Variants in GLIS3 observed in about 807,000 individuals in gnomAD.
GLIS3 encodes the protein zinc finger protein GLIS3.
A neutral mutation model predicts 78.6 loss-of-function variants in GLIS3; 53 were observed. The ratio of observed to expected loss-of-function variants is 0.67; its 90% CI spans 0.54 to 0.85. The LOEUF (loss-of-function observed/expected upper bound fraction) is 0.85. Ranked by LOEUF, GLIS3 falls within the 40% of genes least tolerant of loss-of-function variation. The pLI is 0.00. For missense variants in GLIS3, 1,703 were observed against 1,231.1 expected (o/e 1.38, Z -5.74); for synonymous variants, 684 against 509.9 (o/e 1.34, Z -4.60).
At chr9:4,426,822 G>A in the GLIS3 span, among the ~76,000 whole-genome samples, 1 of 152,210 alleles carries the variant, frequency 6.6e-6, no homozygotes, top group East Asian at 1.9e-4. Flanking sequence ...ACTTCACAGA[G>A]TTGTGTAAGG....
intron 4 of GLIS3, among the ~76,000 whole-genome samples, chr9:4,020,508 A>G (rs1822798710): frequency 6.6e-6 from 1 of 152,138 alleles, no homozygotes; most frequent in African/African-American, 2.4e-5. Context: ...TTTGCTTAGT[A>G]TAAGAGCATG....
At chr9:3,882,507 C>A (rs1821799799) in intron 7 of GLIS3, among the ~76,000 whole-genome samples, 1 of 151,626 alleles carries the variant, frequency 6.6e-6, no homozygotes, top group South Asian at 2.1e-4. Flanking sequence ...GCAAAGGCCA[C>A]TAGAAACAGG....
At chr9:3,885,237 A>G (rs1353532334) in intron 7 of GLIS3, among the ~76,000 whole-genome samples, 1 of 152,208 alleles carries the variant, frequency 6.6e-6, no homozygotes, top group Admixed American at 6.5e-5. Context: ...AGGAAGGGTT[A>G]TTCGTGAGCA....
the GLIS3 span, among the ~76,000 whole-genome samples, chr9:4,388,073 C>T: frequency 6.6e-6 from 1 of 152,144 alleles, no homozygotes; most frequent in South Asian, 2.1e-4. Flanking sequence ...ACACATGTAC[C>T]ATTAAAGTTT....
intron 2 of GLIS3, among the ~76,000 whole-genome samples, chr9:4,344,385 G>C (rs1033115597): frequency 6.6e-6 from 1 of 152,126 alleles, no homozygotes; most frequent in African/African-American, 2.4e-5. Context: ...AGCAGCATTT[G>C]GCAAAGTTGT....
intron 7 of GLIS3, among the ~76,000 whole-genome samples, chr9:3,885,839 C>T (rs1338117530): frequency 3.3e-5 from 5 of 152,170 alleles, no homozygotes; most frequent in Admixed American, 3.3e-4. Flanking sequence ...TGGTTATTAA[C>T]AGAACAAAGC....
the GLIS3 span, among the ~76,000 whole-genome samples, chr9:4,451,997 G>A: frequency 6.6e-6 from 1 of 151,934 alleles, no homozygotes; most frequent in African/African-American, 2.4e-5. Context: ...CTTCATCCCT[G>A]CGATGCAAGT....
rs146346906 is a variant in GLIS3, at chr9:3,901,177, C to T, written c.1984-2342G>A. 1,339 of 157,852 alleles carry T rather than the reference C, an allele frequency of 8.5e-3. 9 individuals carry two copies. The highest frequency in any genetic ancestry group is 0.012 in the Non-Finnish European group (828 of 71,588). The allele number at this position is 157,852 out of a possible 1,614,324, so 9.8% of individuals were successfully genotyped here. A position where few individuals can be genotyped will look rare whatever the true frequency, so the allele number is the denominator to read the frequency against. On this transcript the variant is annotated intron_variant, in intron 6 of 10. Coordinates refer to ENST00000381971, the MANE Select transcript of GLIS3 (RefSeq NM_001042413.2). ...CCTATAAAACCAGTTCCACTCCCACCGCCCTTCGCTGACTCCCTTTTCAGA... is the reference window on the plus strand; with the variant it reads ...CCTATAAAACCAGTTCCACTCCCACTGCCCTTCGCTGACTCCCTTTTCAGA...
the GLIS3 span, among the ~76,000 whole-genome samples, chr9:4,400,552 A>G: frequency 3.9e-5 from 6 of 152,250 alleles, no homozygotes; most frequent in African/African-American, 1.4e-4. Context: ...CAAAAGTTGT[A>G]AAAGACTAAA....
chr9:3,965,193 C>CTTTTTTTTTTTTT (rs34951383), intron 4 of GLIS3, among the ~76,000 whole-genome samples: 22 of 100,156 alleles, frequency 2.2e-4, no homozygotes, highest in Admixed American at 2.6e-4. Context: ...CTTTTCTTTT[C>CTTTTTTTTTTTTT]TTTTTTTTTT....
At position 4,136,221 on chromosome 9, in the gene GLIS3, T is replaced by C. The variant is rs77130627; in HGVS notation, c.389-10280A>G. On this transcript the variant is annotated intron_variant, in intron 2 of 10. Coordinates refer to ENST00000381971, the MANE Select transcript of GLIS3 (RefSeq NM_001042413.2). ...ATAAGATATACTCACCTAGGAACAA[T>C]CGGATAATGTCGCTAGACTGTACAG... 1.5e-3 allele frequency among the ~76,000 whole-genome samples: 231 copies of C among 152,222 alleles called. 6 individuals are homozygous for C. The East Asian group carries it at 0.042, about 28-fold the overall frequency.
chr9:4,023,421 CA>C, intron 4 of GLIS3, among the ~76,000 whole-genome samples: 1 of 152,114 alleles, frequency 6.6e-6, no homozygotes, highest in Admixed American at 6.5e-5. Flanking sequence ...CTAGCTTGGC[CA>C]TCAGACCCCA....
intron 4 of GLIS3, among the ~76,000 whole-genome samples, chr9:4,084,278 CACACACACACACACACA>C (rs1828819173): frequency 7.2e-6 from 1 of 137,960 alleles, no homozygotes; most frequent in Admixed American, 7.5e-5. Context: ...CACACACACA[CACACACACACACACACA>C]AATTCCTAGC....
the GLIS3 span, among the ~76,000 whole-genome samples, chr9:4,462,136 AG>A: frequency 6.6e-6 from 1 of 152,190 alleles, no homozygotes; most frequent in African/African-American, 2.4e-5. Context: ...CGTCTACTCT[AG>A]GTCTATAAAA....
At chr9:4,273,108 C>T (rs895546427) in intron 2 of GLIS3, among the ~76,000 whole-genome samples, 1 of 152,106 alleles carries the variant, frequency 6.6e-6, no homozygotes, top group African/African-American at 2.4e-5. Context: ...TTTCATACTG[C>T]CTAGACTGGA....
intron 6 of GLIS3, among the ~76,000 whole-genome samples, chr9:3,922,610 G>A (rs916176890): frequency 6.6e-6 from 1 of 151,996 alleles, no homozygotes; most frequent in Non-Finnish European, 1.5e-5. Context: ...TAATTGCTGG[G>A]GGTAAGGTGG....
the GLIS3 span, among the ~76,000 whole-genome samples, chr9:4,400,941 G>T: frequency 6.6e-6 from 1 of 152,126 alleles, no homozygotes; most frequent in South Asian, 2.1e-4. Context: ...CGTAGGCCTC[G>T]GGCTCTGAGA....
rs576975519 is a variant in GLIS3 at position 3,982,750 on chromosome 9, T to C, written c.1711-45561A>G. On this transcript the variant is annotated intron_variant, in intron 4 of 10. Transcript: ENST00000381971. ...CAAACTCTTTTCTTCATCAAAACTT[T>C]TCTCGCCAAAACAGAAAAAAAGTTG... is the stretch of plus-strand genomic sequence containing the variant. Among the ~76,000 whole-genome samples, 3 of 152,352 alleles carry C rather than the reference T, an allele frequency of 2.0e-5. No individual in the cohort carries two copies. The South Asian group carries it at 6.2e-4, about 32-fold the overall frequency.
intron 4 of GLIS3, among the ~76,000 whole-genome samples, chr9:4,023,965 T>A (rs1823093199): frequency 6.6e-6 from 1 of 151,648 alleles, no homozygotes; most frequent in South Asian, 2.1e-4. Flanking sequence ...GGGTGGTGAA[T>A]CTAGTCATGA....
Sources: gnomAD v4.1 joint callset for allele counts (sites outside exome capture counted in the v4.1 genomes callset) on GRCh38, gnomAD v4.1.1 for gene constraint, MANE v1.5 for transcripts, NCBI Gene and HGNC (gene_info 2026-07-23, HGNC 2026-07-21) for gene names.